Variants in LRP5 observed in about 807,000 individuals in gnomAD.
The protein encoded by LRP5 is LDL receptor related protein 5.
Under a neutral mutation model 154.1 loss-of-function variants are expected in LRP5, and 62 were observed. The ratio of observed to expected loss-of-function variants is 0.40; its 90% CI spans 0.33 to 0.50. The LOEUF is 0.50. LRP5 is among the 20% of genes least tolerant of loss of function. LRP5 has a pLI of 0.55. For synonymous variants in LRP5, 966 were observed against 1,011.5 expected (o/e 0.96, Z 0.85); for missense variants, 1,915 against 2,336.7 (o/e 0.82, Z 3.72).
At chr11:68,393,602 G>A (rs1565071532) in intron 7 of LRP5, among the ~76,000 whole-genome samples, 1 of 152,120 alleles carries the variant, frequency 6.6e-6, no homozygotes, top group Non-Finnish European at 1.5e-5. Flanking sequence ...CCAACATGGT[G>A]TAACCCCATC....
chr11:68,372,669 G>A (rs1292282224), intron 5 of LRP5, among the ~76,000 whole-genome samples: 3 of 152,206 alleles, frequency 2.0e-5, no homozygotes, highest in Non-Finnish European at 4.4e-5. Context: ...TGTGGGTTGT[G>A]CTGAGCAGCG....
intron 17 of LRP5, 141 bp from the exon 18 acceptor site, chr11:68,433,461 G>A (rs1591321827): frequency 1.3e-6 from 1 of 780,256 alleles, no homozygotes. Context: ...TGGAGGATGT[G>A]CGGGTGCAGC....
intron 6 of LRP5, 135 bp from the exon 7 acceptor site, chr11:68,389,746 A>T: frequency 2.4e-6 from 2 of 849,444 alleles, no homozygotes; most frequent in East Asian, 2.4e-5. Flanking sequence ...ACATTTACTG[A>T]CACCAATATT....
At chr11:68,411,347 AGGT>A in intron 10 of LRP5, 86 bp from the exon 11 acceptor site, 1 of 1,400,424 alleles carries the variant, frequency 7.1e-7, no homozygotes, top group Non-Finnish European at 9.9e-7. Context: ...TGAGCTGAAG[AGGT>A]GGGGACAGTT....
At chr11:68,409,225 A>C in intron 9 of LRP5, among the ~76,000 whole-genome samples, 1 of 60,064 alleles carries the variant, frequency 1.7e-5, no homozygotes, top group South Asian at 8.4e-4. Flanking sequence ...ATAATATATA[A>C]TATAAAATAT....
At chr11:68,332,252 T>G (rs1591184077) in intron 1 of LRP5, among the ~76,000 whole-genome samples, 2 of 152,252 alleles carry the variant, frequency 1.3e-5, no homozygotes, top group East Asian at 3.8e-4. Context: ...TATTCTGGAT[T>G]TGAAGCAAAA....
In LRP5 at chr11:68,447,090, T is replaced by C. The variant is rs1368155108; in HGVS notation, c.4586+557T>C. ...ACACCAGCCCCCCGAGCTGCCCATG[T>C]TGGGGTCACAGGCCCCACCTCCCTG... On this transcript the variant is annotated intron_variant, in intron 22 of 22. Coordinates refer to ENST00000294304, the MANE Select transcript of LRP5 (RefSeq NM_002335.4). This position sits in a 1 kb window ranked among gnomAD's most constrained non-coding sequence, Gnocchi z 4.3. 5.6e-6 allele frequency: 1 copy of C among 177,802 alleles called. No homozygotes were observed. The highest frequency in any genetic ancestry group is 1.2e-5 in the Non-Finnish European group (1 of 82,558). 11.0% of individuals were successfully genotyped at this position (177,802 alleles called of 1,614,324 possible).
the LRP5 span, among the ~76,000 whole-genome samples, chr11:68,303,876 A>C: frequency 2.8e-4 from 42 of 152,358 alleles, no homozygotes; most frequent in South Asian, 7.9e-3. Flanking sequence ...CAAATAAATG[A>C]ATTAAAGTTA....
At chr11:68,340,537 A>C (rs1565328747) in intron 1 of LRP5, among the ~76,000 whole-genome samples, 1 of 152,106 alleles carries the variant, frequency 6.6e-6, no homozygotes, top group Non-Finnish European at 1.5e-5. Flanking sequence ...TGTGATGTGG[A>C]GGTGCAGTAA....
chr11:68,311,199 A>C (rs545198943), upstream of LRP5, among the ~76,000 whole-genome samples: 1 of 152,286 alleles, frequency 6.6e-6, no homozygotes, highest in South Asian at 2.1e-4. Context: ...TGCTGCTTAA[A>C]TCCTAGCCTG....
At chr11:68,426,659 G>A (rs1351862239) in intron 16 of LRP5, among the ~76,000 whole-genome samples, 1 of 152,134 alleles carries the variant, frequency 6.6e-6, no homozygotes, top group African/African-American at 2.4e-5. Flanking sequence ...CTGGGCACAA[G>A]CTATCTGCCT....
chr11:68,347,831 T>A lies in LRP5; in HGVS notation c.92-16T>A. ...GGCTTAGCCAGTGGCCCTCACGGTTTGCTTCTGCCCCACAGCCTCGCCGCT... is the reference window on the plus strand; with the variant it reads ...GGCTTAGCCAGTGGCCCTCACGGTTAGCTTCTGCCCCACAGCCTCGCCGCT... On this transcript the variant is annotated splice_polypyrimidine_tract_variant and intron_variant, in intron 1 of 22. Coordinates refer to ENST00000294304, the MANE Select transcript of LRP5 (RefSeq NM_002335.4). The A allele has an allele frequency of 6.2e-7, 1 of 1,612,760 alleles. No homozygotes were observed. Among genetic ancestry groups the A allele is most frequent in the Non-Finnish European group, 8.5e-7 (1 of 1,179,932 alleles).
At chr11:68,318,086 G>A (rs906805028) in intron 1 of LRP5, among the ~76,000 whole-genome samples, 4 of 146,136 alleles carry the variant, frequency 2.7e-5, no homozygotes, top group African/African-American at 1.0e-4. Context: ...ATGGAGTCTT[G>A]CTCTGTCGCC....
chr11:68,326,593 G>A (rs1008670109), intron 1 of LRP5, among the ~76,000 whole-genome samples: 1 of 152,270 alleles, frequency 6.6e-6, no homozygotes, highest in Admixed American at 6.5e-5. Context: ...TGGTTGCTGA[G>A]AGATGTGCTC....
intron 1 of LRP5, among the ~76,000 whole-genome samples, chr11:68,313,024 T>G: frequency 6.8e-6 from 1 of 146,776 alleles, no homozygotes. Flanking sequence ...GGACGCTGCG[T>G]CCCGGGCTGG....
intron 3 of LRP5, among the ~76,000 whole-genome samples, chr11:68,360,284 T>C (rs980241625): frequency 6.6e-6 from 1 of 152,198 alleles, no homozygotes; most frequent in Non-Finnish European, 1.5e-5. Flanking sequence ...CTCAAAGCAC[T>C]GGGATTATAG....
chr11:68,367,804 C>G (rs2098631902), intron 5 of LRP5, among the ~76,000 whole-genome samples: 1 of 152,238 alleles, frequency 6.6e-6, no homozygotes, highest in South Asian at 2.1e-4. Flanking sequence ...TGGCTCACGC[C>G]TGTAATCCCA....
Position 68,368,585 on chromosome 11 carries a change from G to A in LRP5, c.1015+2883G>A, listed in dbSNP as rs867668693. ...CAGCGGTCCCCGCAAATTCTGTAAC[G>A]GGCCCGGCTCGTGTGTTTGAGAAGC... On this transcript the variant is annotated intron_variant, in intron 5 of 22. Transcript: ENST00000294304. Among the ~76,000 whole-genome samples, 7 of 152,290 alleles carry A rather than the reference G, an allele frequency of 4.6e-5. No individual in the cohort carries two copies. In the South Asian group the frequency reaches 6.2e-4, roughly 14 times the overall value.
chr11:68,420,693 G>C (rs1365254219), intron 13 of LRP5, among the ~76,000 whole-genome samples: 2 of 150,800 alleles, frequency 1.3e-5, no homozygotes, highest in Non-Finnish European at 2.9e-5. Flanking sequence ...AACAGAGTGA[G>C]ACTTCCTGTC....
Sources: gnomAD v4.1 joint callset for allele counts (sites outside exome capture counted in the v4.1 genomes callset) on GRCh38, gnomAD v4.1.1 for gene constraint, Gnocchi (gnomAD v3.1) non-coding constraint, MANE v1.5 for transcripts, NCBI Gene and HGNC (gene_info 2026-07-23, HGNC 2026-07-21) for gene names.